The following ZNRF3 variants were observed in gnomAD, a reference collection of about 807,000 sequenced individuals.
ZNRF3 encodes zinc and ring finger 3.
Under a neutral mutation model 72.5 loss-of-function variants are expected in ZNRF3, and 23 were observed. The observed-to-expected ratio is 0.32, with a 90% CI of 0.23 to 0.45. ZNRF3 has a LOEUF of 0.45. Among genes scored for constraint, ZNRF3 ranks in the 20% least tolerant of loss-of-function variants. The pLI, the probability that ZNRF3 is intolerant of heterozygous loss-of-function variation, is 1.00. For missense variants in ZNRF3, 1,169 were observed against 1,272.1 expected (o/e 0.92, Z 1.23); for synonymous variants, 610 against 545.3 (o/e 1.12, Z -1.65).
At chr22:28,904,525 T>C (rs1475909890) in intron 1 of ZNRF3, among the ~76,000 whole-genome samples, 2 of 152,236 alleles carry the variant, frequency 1.3e-5, no homozygotes, top group African/African-American at 2.4e-5. Context: ...ATTTTTAATT[T>C]AACAGGACCG....
intron 2 of ZNRF3, among the ~76,000 whole-genome samples, chr22:29,014,973 GTTC>G (rs983594342): frequency 1.3e-5 from 2 of 152,218 alleles, no homozygotes; most frequent in African/African-American, 4.8e-5. Context: ...TCCGTCATCT[GTTC>G]TTTGACACAT....
At chr22:28,924,981 A>G (rs2034575359) in intron 1 of ZNRF3, among the ~76,000 whole-genome samples, 1 of 152,198 alleles carries the variant, frequency 6.6e-6, no homozygotes, top group Non-Finnish European at 1.5e-5. Flanking sequence ...TAAAAATCAT[A>G]GACATGTGGC....
At chr22:28,962,214 G>A (rs1212075892) in intron 1 of ZNRF3, among the ~76,000 whole-genome samples, 1 of 152,200 alleles carries the variant, frequency 6.6e-6, no homozygotes, top group Non-Finnish European at 1.5e-5. Flanking sequence ...TACATTGCTG[G>A]TATAGAAACA....
Position 29,038,165 on chromosome 22 carries a change from G to C in ZNRF3, c.427-4330G>C, listed in dbSNP as rs1347482211. ...TAGGATTTCTGGTGGCCACAAGACT[G>C]TGAACTCCTAATTAGGGTCTAGGTT... On this transcript the variant is annotated intron_variant, in intron 2 of 8. Transcript: ENST00000544604. Among the ~76,000 whole-genome samples the C allele has an allele frequency of 3.3e-5, 5 of 152,170 alleles. No homozygotes were observed. In the South Asian group the frequency reaches 1.0e-3, roughly 32 times the overall value.
chr22:28,993,258 T>C (rs915334641), intron 2 of ZNRF3, among the ~76,000 whole-genome samples: 3 of 152,238 alleles, frequency 2.0e-5, no homozygotes, highest in South Asian at 2.1e-4. Flanking sequence ...AATGCTTTAG[T>C]GGGGCTCAAG....
At chr22:29,042,024 A>G (rs1414451547) in intron 2 of ZNRF3, among the ~76,000 whole-genome samples, 1 of 152,174 alleles carries the variant, frequency 6.6e-6, no homozygotes, top group African/African-American at 2.4e-5. Flanking sequence ...TAGGAAGACA[A>G]AAGTTTGTTA....
Position 29,049,115 on chromosome 22 carries a change from T to A in ZNRF3, c.1016-82T>A. Reference sequence around the variant, plus strand: ...GGTGACCAAGCCTGCTGCTTCAGCCTTTGCCCGTTTTAAAAATCCCTTTAG... The same window carrying A: ...GGTGACCAAGCCTGCTGCTTCAGCCATTGCCCGTTTTAAAAATCCCTTTAG... On this transcript the variant is annotated intron_variant, in intron 7 of 8. Coordinates refer to ENST00000544604, the MANE Select transcript of ZNRF3 (RefSeq NM_001206998.2). This position sits in a 1 kb window ranked among gnomAD's most constrained non-coding sequence, Gnocchi z 5.2. The A allele has an allele frequency of 6.9e-7, 1 of 1,452,396 alleles. No individual in the cohort carries two copies. The highest frequency in any genetic ancestry group is 9.3e-7 in the Non-Finnish European group (1 of 1,075,844). The allele number at this position is 1,452,396 out of a possible 1,614,324, so 90.0% of individuals were successfully genotyped here.
rs983872601 is a variant in ZNRF3, at chr22:29,055,046, C to G, written c.*1424C>G. ...GTAGGTTTTTGTATATTTTTCCAGC[C>G]TTTTTTATTAAGGGGAAGGGGAGAG... On this transcript the variant is annotated 3_prime_UTR_variant, in exon 9 of 9. Coordinates refer to ENST00000544604, the MANE Select transcript of ZNRF3 (RefSeq NM_001206998.2). 2.0e-5 allele frequency: 3 copies of G among 152,600 alleles called. No individual in the cohort carries two copies. Among genetic ancestry groups the G allele is most frequent in the African/African-American group, 7.2e-5 (3 of 41,382 alleles). 9.5% of individuals were successfully genotyped at this position (152,600 alleles called of 1,614,324 possible). A position where few individuals can be genotyped will look rare whatever the true frequency, so the allele number is the denominator to read the frequency against.
chr22:28,934,817 CAAAAA>C (rs1244256699), intron 1 of ZNRF3, among the ~76,000 whole-genome samples: 2 of 57,152 alleles, frequency 3.5e-5, no homozygotes, highest in South Asian at 6.0e-4. Flanking sequence ...GACTCTGTCT[CAAAAA>C]AAAAAAAAAA....
At chr22:28,960,715 G>C (rs774050982) in intron 1 of ZNRF3, among the ~76,000 whole-genome samples, 8 of 152,182 alleles carry the variant, frequency 5.3e-5, no homozygotes, top group Non-Finnish European at 7.4e-5. Flanking sequence ...TTCCAGTTCC[G>C]AGTGGGGAGG....
rs957847969 is a variant in ZNRF3 at position 28,883,650 on chromosome 22, AGCCGCCGCC to A, written c.-106_-98del. 2.1e-6 allele frequency: 2 copies of A among 954,618 alleles called. No homozygotes were observed. The highest frequency in any genetic ancestry group is 2.5e-6 in the Non-Finnish European group (2 of 801,916). The allele number at this position is 954,618 out of a possible 1,614,324, so 59.1% of individuals were successfully genotyped here. On this transcript the variant is annotated 5_prime_UTR_variant, in exon 1 of 9. Coordinates refer to ENST00000544604, the MANE Select transcript of ZNRF3 (RefSeq NM_001206998.2). This position sits in a 1 kb window ranked among gnomAD's most constrained non-coding sequence, Gnocchi z 5.5. ...GCCGAGCTGAGCCTGCGACCCACAA[AGCCGCCGCC>A]GCCGCCGCCGTGATGGGGCTGTGAG...
chr22:28,979,949 G>A (rs913065200), intron 1 of ZNRF3, among the ~76,000 whole-genome samples: 1 of 152,366 alleles, frequency 6.6e-6, no homozygotes, highest in Admixed American at 6.5e-5. Flanking sequence ...AGTTGGTCTT[G>A]AAGGGCAAAG....
At chr22:28,971,767 G>A (rs1388681746) in intron 1 of ZNRF3, among the ~76,000 whole-genome samples, 2 of 152,096 alleles carry the variant, frequency 1.3e-5, no homozygotes, top group African/African-American at 2.4e-5. Context: ...GTGCAGTGGC[G>A]CCATGATAGG....
chr22:28,986,655 CATG>C, intron 1 of ZNRF3: 1 of 985,324 alleles, frequency 1.0e-6, no homozygotes, highest in Non-Finnish European at 1.2e-6. Flanking sequence ...TTGAAGTAGA[CATG>C]TTGTTGAAGT....
At chr22:28,963,782 G>T (rs1376968200) in intron 1 of ZNRF3, among the ~76,000 whole-genome samples, 2 of 152,100 alleles carry the variant, frequency 1.3e-5, no homozygotes, top group African/African-American at 4.8e-5. Flanking sequence ...GCTTATAAAA[G>T]TTGCTGCTCA....
In ZNRF3 at chr22:28,898,097, C is replaced by G. The variant is rs186311793; in HGVS notation, c.300+14031C>G. ...AGCTGGCTGGGACCACAGGCACACA[C>G]CACCACGCCTGGCTAATTTTTTGTA... On this transcript the variant is annotated intron_variant, in intron 1 of 8. Transcript: ENST00000544604. Among the ~76,000 whole-genome samples the G allele has an allele frequency of 1.4e-4, 21 of 152,250 alleles. No individual in the cohort carries two copies. The East Asian group carries it at 2.9e-3, about 21-fold the overall frequency.
At chr22:28,906,306 G>A (rs759829159) in intron 1 of ZNRF3, among the ~76,000 whole-genome samples, 2 of 152,214 alleles carry the variant, frequency 1.3e-5, no homozygotes, top group Non-Finnish European at 2.9e-5. Flanking sequence ...CAGCCTAGGT[G>A]ACAGTGATCT....
At chr22:29,027,559 T>C (rs894720194) in intron 2 of ZNRF3, among the ~76,000 whole-genome samples, 1 of 152,108 alleles carries the variant, frequency 6.6e-6, no homozygotes, top group Non-Finnish European at 1.5e-5. Flanking sequence ...CCCTCTATTA[T>C]TTAATAAGCT....
intron 1 of ZNRF3, among the ~76,000 whole-genome samples, chr22:28,939,488 C>T (rs780146465): frequency 1.9e-4 from 29 of 152,140 alleles, no homozygotes; most frequent in African/African-American, 6.3e-4. Flanking sequence ...TGGAAAGTTC[C>T]GGATAGAAAC....
Sources: allele counts gnomAD v4.1 joint callset (sites outside exome capture counted in the v4.1 genomes callset), GRCh38; gene constraint gnomAD v4.1.1; non-coding constraint Gnocchi (gnomAD v3.1); transcripts MANE v1.5; gene names NCBI Gene and HGNC (gene_info 2026-07-23, HGNC 2026-07-21).